The following ZNF674 variants were observed in gnomAD, a reference collection of about 807,000 sequenced individuals.
ZNF674 encodes the protein zinc finger protein 674.
In ZNF674, 2 loss-of-function variants were observed where a neutral mutation model predicts 7.0. The observed-to-expected ratio is 0.29, with a 90% CI of 0.12 to 0.90. The LOEUF is 0.90. Ranked by LOEUF, ZNF674 falls within the 40% of genes least tolerant of loss-of-function variation. ZNF674 has a pLI of 0.57. For missense variants in ZNF674, 297 were observed against 415.5 expected, an observed-to-expected ratio of 0.71 and a Z score of 2.48; for synonymous variants, 103 against 145.2, an observed-to-expected ratio of 0.71 and a Z score of 2.09.
intron 3 of ZNF674, 76 bp from the exon 4 acceptor site, chrX:46,528,985 G>A: frequency 8.3e-7 from 1 of 1,208,781 alleles, no homozygotes; most frequent in Non-Finnish European, 1.1e-6. Context: ...CACACACGGA[G>A]GGCTTACTCT....
intron 5 of ZNF674, among the ~76,000 whole-genome samples, chrX:46,521,885 T>C (rs1456243752): frequency 5.7e-5 from 6 of 106,169 alleles, no homozygotes; most frequent in African/African-American, 2.1e-4. Context: ...CAAGACTCTG[T>C]CTCAAAAAAA....
At chrX:46,534,171 A>C (rs1436796441) in intron 3 of ZNF674, among the ~76,000 whole-genome samples, 2 of 109,734 alleles carry the variant, frequency 1.8e-5, no homozygotes, top group Non-Finnish European at 3.8e-5. Flanking sequence ...GCATGGGGGA[A>C]ACCGCCCCCA....
At chrX:46,513,265 A>C (rs1246529999) in intron 5 of ZNF674, among the ~76,000 whole-genome samples, 1 of 112,281 alleles carries the variant, frequency 8.9e-6, no homozygotes, top group Admixed American at 9.5e-5. Context: ...CGTCTCAAAA[A>C]AAAAACAAAA....
At chrX:46,538,309 C>T (rs1433849110) in intron 3 of ZNF674, among the ~76,000 whole-genome samples, 1 of 111,411 alleles carries the variant, frequency 9.0e-6, no homozygotes, top group Admixed American at 9.7e-5. Flanking sequence ...ATAATCTTGA[C>T]TCACAGAATC....
intron 5 of ZNF674, among the ~76,000 whole-genome samples, chrX:46,516,558 A>G (rs1941769185): frequency 8.9e-6 from 1 of 112,512 alleles, no homozygotes; most frequent in Non-Finnish European, 1.9e-5. Context: ...AACACTGCAC[A>G]AAGACTGAAC....
chrX:46,516,910 T>C (rs961592452), intron 5 of ZNF674, among the ~76,000 whole-genome samples: 2 of 110,219 alleles, frequency 1.8e-5, no homozygotes, highest in African/African-American at 3.3e-5. Context: ...GGCAGGAGAA[T>C]TGCTTGAACC....
chrX:46,525,595 A>G (rs1602074316), intron 5 of ZNF674, among the ~76,000 whole-genome samples: 1 of 108,965 alleles, frequency 9.2e-6, no homozygotes, highest in Admixed American at 9.9e-5. Context: ...AGCCTGGGCA[A>G]CAAAAGCGAA....
chrX:46,529,846 G>A (rs748850605), intron 3 of ZNF674, among the ~76,000 whole-genome samples: 3 of 111,453 alleles, frequency 2.7e-5, no homozygotes, highest in East Asian at 2.8e-4. Context: ...AGTCAATTCT[G>A]CTTAGCGCTG....
intron 5 of ZNF674, among the ~76,000 whole-genome samples, chrX:46,527,014 C>T (rs1942020496): frequency 1.8e-5 from 2 of 112,004 alleles, no homozygotes; most frequent in Admixed American, 1.9e-4. Context: ...CACCTGTAAT[C>T]CCAGCCCTCC....
chrX:46,520,414 A>C (rs1159605757), intron 5 of ZNF674, among the ~76,000 whole-genome samples: 2 of 110,806 alleles, frequency 1.8e-5, no homozygotes, highest in African/African-American at 6.6e-5. Flanking sequence ...TAAATAAATA[A>C]ATAATAAAAA....
chrX:46,533,829 A>AT (rs1556020014), intron 3 of ZNF674, among the ~76,000 whole-genome samples: 117 of 65,492 alleles, frequency 1.8e-3, no homozygotes, highest in Middle Eastern at 7.7e-3. Context: ...AAAAAAAAAA[A>AT]ATATATATAT....
chrX:46,521,918 G>GAATAT (rs1339803888), intron 5 of ZNF674, among the ~76,000 whole-genome samples: 1 of 107,548 alleles, frequency 9.3e-6, no homozygotes, highest in Non-Finnish European at 1.9e-5. Context: ...GAATAGAATA[G>GAATAT]AAAAGAAAAG....
intron 5 of ZNF674, among the ~76,000 whole-genome samples, chrX:46,521,204 C>CA (rs1187228041): frequency 0.021 from 861 of 40,542 alleles, 8 homozygotes; most frequent in Middle Eastern, 0.066. Flanking sequence ...GACTCTATCT[C>CA]AAAAAAAAAA....
At chrX:46,504,453 C>T (rs1363413534) in intron 5 of ZNF674, among the ~76,000 whole-genome samples, 2 of 110,111 alleles carry the variant, frequency 1.8e-5, no homozygotes, top group East Asian at 5.7e-4. Context: ...AGCAATTCTC[C>T]TGCCTCAGCC....
intron 5 of ZNF674, among the ~76,000 whole-genome samples, chrX:46,502,730 C>G (rs1941459024): frequency 8.9e-6 from 1 of 111,896 alleles, no homozygotes; most frequent in African/African-American, 3.2e-5. Flanking sequence ...GATAGGCAGA[C>G]AGCATAAGGA....
chrX:46,501,282 A>G lies in ZNF674; in HGVS notation c.292T>C (p.Phe98Leu), dbSNP rs1457619554. 7.4e-6 allele frequency: 9 copies of G among 1,209,427 alleles called. No homozygotes were observed. Among genetic ancestry groups the G allele is most frequent in the Non-Finnish European group, 8.9e-6 (8 of 895,077 alleles). Residue 98 changes from phenylalanine (F) to leucine (L), a missense_variant, in exon 6 of 6, where the codon TTT becomes CTT. Coordinates refer to ENST00000683375, the MANE Select transcript of ZNF674 (RefSeq NM_001190417.2). ...IDHYKESQDK[F>L]LWQAAFIGKE... ...CCTATGAATGCAGCTTGCCACAGAA[A>G]TTTGTCTTGGCTTTCCTTGTAGTGA...
intron 5 of ZNF674, among the ~76,000 whole-genome samples, chrX:46,501,908 T>TTATA (rs750102635): frequency 0.012 from 1,295 of 104,260 alleles, 19 homozygotes; most frequent in African/African-American, 0.042. Context: ...GCCCTTGCAG[T>TTATA]TATATATATA....
At chrX:46,527,556 T>G (rs1055943210) in intron 5 of ZNF674, among the ~76,000 whole-genome samples, 1 of 111,928 alleles carries the variant, frequency 8.9e-6, no homozygotes, top group Admixed American at 9.6e-5. Flanking sequence ...GAAAACAGTT[T>G]AGCAGTGTTT....
chrX:46,518,703 G>A (rs1271460906), intron 5 of ZNF674, among the ~76,000 whole-genome samples: 4 of 97,758 alleles, frequency 4.1e-5, no homozygotes, highest in Non-Finnish European at 6.2e-5. Context: ...GTGAAACCCC[G>A]TCTCTACTAA....
Sources: gnomAD v4.1 joint callset for allele counts (sites outside exome capture counted in the v4.1 genomes callset) on GRCh38, gnomAD v4.1.1 for gene constraint, MANE v1.5 for transcripts, NCBI Gene and HGNC (gene_info 2026-07-23, HGNC 2026-07-21) for gene names.